GLO1: variants seen among roughly 807,000 people sequenced by gnomAD.
The protein encoded by GLO1 is lactoylglutathione lyase.
A neutral mutation model predicts 26.0 loss-of-function variants in GLO1; 28 were observed. The ratio of observed to expected loss-of-function variants is 1.08; its 90% confidence interval spans 0.80 to 1.48. The LOEUF (loss-of-function observed/expected upper bound fraction) is 1.48. GLO1 is among the 40% of genes most tolerant of loss of function. The pLI is 0.00. For missense variants in GLO1, 225 were observed against 224.8 expected, an observed-to-expected ratio of 1.00 and a Z score of -0.01; for synonymous variants, 78 against 77.6, an observed-to-expected ratio of 1.00 and a Z score of -0.03.
intron 2 of GLO1, 28 bp from the exon 3 acceptor site, chr6:38,684,542 T>A: frequency 7.0e-7 from 1 of 1,426,448 alleles, no homozygotes. Flanking sequence ...CAAGCCTGAA[T>A]CATTAACAAC....
At position 38,681,975 on chromosome 6, in the gene GLO1, T is replaced by C. The variant is rs747219982; in HGVS notation, c.466+37A>G. On this transcript the variant is annotated intron_variant, in intron 5 of 5. Transcript: ENST00000373365. ...CTGTAGGTGGTTAGTAAATATCAAC[T>C]AAAGACAGGCCTGAACACAGTAAGT... 12 of 1,036,276 alleles carry C rather than the reference T, an allele frequency of 1.2e-5. No individual in the cohort carries two copies. The Admixed American group carries it at 2.0e-4, about 17-fold the overall frequency. 64.2% of individuals were successfully genotyped at this position (1,036,276 alleles called of 1,614,324 possible).
intron 1 of GLO1, among the ~76,000 whole-genome samples, chr6:38,691,072 T>C (rs1400744183): frequency 6.6e-6 from 1 of 152,224 alleles, no homozygotes; most frequent in Non-Finnish European, 1.5e-5. Flanking sequence ...TGCTCATGTC[T>C]TGTCTCACCT....
intron 5 of GLO1, among the ~76,000 whole-genome samples, 197 bp from the exon 6 acceptor site, chr6:38,677,580 G>A (rs575746054): frequency 5.3e-5 from 8 of 152,178 alleles, no homozygotes; most frequent in African/African-American, 1.7e-4. Flanking sequence ...ACCTTGCCTG[G>A]CTAATTTTTT....
chr6:38,693,685 C>CTCTCTCTCTCTATATA (rs869232489), intron 1 of GLO1, among the ~76,000 whole-genome samples: 112 of 86,404 alleles, frequency 1.3e-3, no homozygotes, highest in East Asian at 9.5e-3. Context: ...CTCTCTCTCT[C>CTCTCTCTCTCTATATA]TATATATATA....
intron 5 of GLO1, among the ~76,000 whole-genome samples, chr6:38,681,045 G>A (rs1761365760): frequency 6.6e-6 from 1 of 152,032 alleles, no homozygotes; most frequent in Non-Finnish European, 1.5e-5. Flanking sequence ...TTTCTTATTG[G>A]GGAGAAGATT....
chr6:38,676,892 G>GA lies in GLO1; in HGVS notation c.*402dup, dbSNP rs1761254295. 1 of 166,036 alleles carries GA rather than the reference G, an allele frequency of 6.0e-6. No individual in the cohort carries two copies. The highest frequency in any genetic ancestry group is 2.4e-5 in the African/African-American group (1 of 41,458). The allele number at this position is 166,036 out of a possible 1,614,324, so 10.3% of individuals were successfully genotyped here. On this transcript the variant is annotated 3_prime_UTR_variant, in exon 6 of 6. Coordinates refer to ENST00000373365, the MANE Select transcript of GLO1 (RefSeq NM_006708.3). ...ACTAGTGTTCTTTCCTTTCCGTTGT[G>GA]AAAAAAGTTGTTTCTGAGGAATTGA...
At chr6:38,686,820 G>C (rs1761465101) in intron 2 of GLO1, 72 bp downstream of exon 2, 1 of 859,784 alleles carries the variant, frequency 1.2e-6, no homozygotes, top group Non-Finnish European at 1.9e-6. Flanking sequence ...TTTAAGATGG[G>C]TCTGAAAACA....
intron 1 of GLO1, among the ~76,000 whole-genome samples, chr6:38,693,591 T>A (rs887313259): frequency 6.6e-6 from 1 of 151,928 alleles, no homozygotes; most frequent in East Asian, 1.9e-4. Flanking sequence ...TTATAATGTA[T>A]GCAGTCAGTG....
intron 1 of GLO1, 145 bp from the exon 2 acceptor site, chr6:38,687,119 G>T: frequency 7.0e-7 from 1 of 1,420,478 alleles, no homozygotes; most frequent in Non-Finnish European, 9.2e-7. Context: ...GGTATCTTCT[G>T]GTTGCAGGCC....
At chr6:38,689,217 AAC>A (rs760171147) in intron 1 of GLO1, among the ~76,000 whole-genome samples, 2 of 152,256 alleles carry the variant, frequency 1.3e-5, no homozygotes, top group Non-Finnish European at 2.9e-5. Flanking sequence ...CTGAGTAAGG[AAC>A]ACAGTCCTGT....
At chr6:38,698,987 A>C (rs904294940) in intron 1 of GLO1, among the ~76,000 whole-genome samples, 2 of 152,146 alleles carry the variant, frequency 1.3e-5, no homozygotes, top group East Asian at 1.9e-4. Context: ...ATGTATATAA[A>C]ATCTAACTTC....
intron 1 of GLO1, among the ~76,000 whole-genome samples, chr6:38,688,561 A>G (rs1464284747): frequency 1.3e-5 from 2 of 152,162 alleles, no homozygotes; most frequent in African/African-American, 2.4e-5. Context: ...CTGCTTCTCT[A>G]TTGATTACAA....
chr6:38,686,927 C>T lies in GLO1; in HGVS notation c.132G>A (p.Lys44=). ...QTMLRVKDPK[K]SLDFYTRVLG... ...GAACTCTAGTATAAAAATCCAGTGA[C>T]TTCTTAGGATCCTTCACTCGTAGCA... The change falls in exon 2 of 6, where the codon AAG becomes AAA. Residue 44 remains lysine (K), a synonymous_variant. Transcript: ENST00000373365. 6.2e-7 allele frequency: 1 copy of T among 1,605,390 alleles called. No homozygotes were observed. Among genetic ancestry groups the T allele is most frequent in the East Asian group, 2.2e-5 (1 of 44,818 alleles).
At chr6:38,697,232 T>A (rs893013660) in intron 1 of GLO1, among the ~76,000 whole-genome samples, 14 of 152,114 alleles carry the variant, frequency 9.2e-5, no homozygotes, top group Non-Finnish European at 2.1e-4. Flanking sequence ...TTCTTAAGGC[T>A]CAACTAAACA....
intron 1 of GLO1, among the ~76,000 whole-genome samples, chr6:38,689,909 C>T (rs548290658): frequency 3.5e-4 from 53 of 152,140 alleles, no homozygotes; most frequent in South Asian, 3.3e-3. Context: ...TCACTGCAAC[C>T]CGCCTCCCGG....
At chr6:38,693,685 C>CTCTATATATATATATATATATA (rs869232489) in intron 1 of GLO1, among the ~76,000 whole-genome samples, 2 of 86,442 alleles carry the variant, frequency 2.3e-5, no homozygotes, top group Non-Finnish European at 4.9e-5. Flanking sequence ...CTCTCTCTCT[C>CTCTATATATATATATATATATA]TATATATATA....
intron 4 of GLO1, 148 bp from the exon 5 acceptor site, chr6:38,682,249 ACATTAAAGAACAAATATAGATCT>A (rs1172656050): frequency 2.8e-5 from 17 of 609,820 alleles, no homozygotes; most frequent in Non-Finnish European, 5.0e-5. Context: ...AATCTATAAT[ACATTAAAGAACAAATATAGATCT>A]AATGGGCTGG....
chr6:38,693,340 A>G (rs757893748), intron 1 of GLO1, among the ~76,000 whole-genome samples: 2 of 151,996 alleles, frequency 1.3e-5, no homozygotes, highest in African/African-American at 2.4e-5. Flanking sequence ...TGTATCCCCT[A>G]TTTCATTCCT....
chr6:38,689,887 T>A (rs1377823869), intron 1 of GLO1, among the ~76,000 whole-genome samples: 1 of 152,106 alleles, frequency 6.6e-6, no homozygotes, highest in Non-Finnish European at 1.5e-5. Flanking sequence ...AGTGCAGCAG[T>A]GAGATCTTGG....
Sources: gnomAD v4.1 joint callset for allele counts (sites outside exome capture counted in the v4.1 genomes callset) on GRCh38, gnomAD v4.1.1 for gene constraint, MANE v1.5 for transcripts, NCBI Gene and HGNC (gene_info 2026-07-23, HGNC 2026-07-21) for gene names.